The following CTDSPL2 variants were observed in gnomAD, a reference collection of about 807,000 sequenced individuals.
CTDSPL2 encodes CTD small phosphatase like 2, also known as CTD small phosphatase-like protein 2.
Under a neutral mutation model 60.0 loss-of-function variants are expected in CTDSPL2, and 5 were observed. The observed-to-expected ratio is 0.08, with a 90% CI of 0.04 to 0.18. The LOEUF (loss-of-function observed/expected upper bound fraction) is 0.18, where lower values mean the gene tolerates loss of function less well. Among genes scored for constraint, CTDSPL2 ranks in the 10% least tolerant of loss-of-function variants. CTDSPL2 has a pLI of 1.00. For synonymous variants in CTDSPL2, 186 were observed against 189.3 expected, an observed-to-expected ratio of 0.98 and a Z score of 0.14; for missense variants, 370 against 548.8, an observed-to-expected ratio of 0.67 and a Z score of 3.26.
chr15:44,514,924 A>G, intron 10 of CTDSPL2, 80 bp downstream of exon 10: 6 of 859,722 alleles, frequency 7.0e-6, no homozygotes, highest in Non-Finnish European at 1.1e-5. Context: ...TTTAATGGCC[A>G]TTTTCAGTTG....
intron 7 of CTDSPL2, among the ~76,000 whole-genome samples, chr15:44,499,340 G>A (rs987399241): frequency 1.3e-5 from 2 of 152,196 alleles, no homozygotes; most frequent in Admixed American, 6.5e-5. Flanking sequence ...AGGAGGTGGA[G>A]GTTGCGGTGA....
At chr15:44,476,796 TCCCAGTTG>T (rs2080925774) in intron 2 of CTDSPL2, among the ~76,000 whole-genome samples, 2 of 152,328 alleles carry the variant, frequency 1.3e-5, no homozygotes, top group African/African-American at 4.8e-5. Flanking sequence ...TCAAAACATA[TCCCAGTTG>T]TTATGTGATG....
intron 2 of CTDSPL2, among the ~76,000 whole-genome samples, chr15:44,468,216 G>A (rs1221049261): frequency 1.3e-5 from 2 of 152,018 alleles, no homozygotes; most frequent in African/African-American, 2.4e-5. Flanking sequence ...ATCTTTTACT[G>A]TAATTTAGTT....
chr15:44,479,302 T>A (rs2140768404), intron 2 of CTDSPL2, among the ~76,000 whole-genome samples: 2 of 152,090 alleles, frequency 1.3e-5, no homozygotes, highest in East Asian at 1.9e-4. Flanking sequence ...CCTTGTAGTA[T>A]AGTCTTTATT....
intron 1 of CTDSPL2, among the ~76,000 whole-genome samples, chr15:44,439,548 G>A (rs370160781): frequency 1.3e-4 from 19 of 148,298 alleles, no homozygotes; most frequent in African/African-American, 4.4e-4. Flanking sequence ...TTTTTTGGGG[G>A]GGGGGGAATA....
At chr15:44,509,443 G>A (rs2081528797) in intron 8 of CTDSPL2, among the ~76,000 whole-genome samples, 2 of 152,098 alleles carry the variant, frequency 1.3e-5, no homozygotes, top group African/African-American at 4.8e-5. Context: ...CTGACTTCAG[G>A]TGATCCGCCC....
chr15:44,471,614 G>T (rs934987970), intron 2 of CTDSPL2, among the ~76,000 whole-genome samples: 8 of 152,110 alleles, frequency 5.3e-5, no homozygotes, highest in African/African-American at 1.7e-4. Context: ...GTATAGTTAA[G>T]TATAGGCACA....
At chr15:44,446,311 C>T (rs967474519) in intron 1 of CTDSPL2, among the ~76,000 whole-genome samples, 3 of 152,040 alleles carry the variant, frequency 2.0e-5, no homozygotes, top group Non-Finnish European at 4.4e-5. Flanking sequence ...TCCAATGGAC[C>T]ATTCAGACAA....
At chr15:44,521,950 A>AC (rs1555441532) in intron 12 of CTDSPL2, among the ~76,000 whole-genome samples, 2 of 149,628 alleles carry the variant, frequency 1.3e-5, no homozygotes, top group East Asian at 1.9e-4. Flanking sequence ...AAAAAAAAAA[A>AC]AAAAAAAAAA....
intron 10 of CTDSPL2, among the ~76,000 whole-genome samples, chr15:44,515,982 T>A (rs2081647218): frequency 6.7e-6 from 1 of 149,604 alleles, no homozygotes; most frequent in Non-Finnish European, 1.5e-5. Flanking sequence ...CTTTCTTTCT[T>A]TTTCTTTTTT....
chr15:44,498,230 G>A (rs558904393), intron 7 of CTDSPL2, among the ~76,000 whole-genome samples: 1 of 152,216 alleles, frequency 6.6e-6, no homozygotes, highest in South Asian at 2.1e-4. Flanking sequence ...TGTCATATTG[G>A]AAAATATTTT....
intron 8 of CTDSPL2, among the ~76,000 whole-genome samples, chr15:44,510,017 C>T (rs1301448752): frequency 1.3e-5 from 2 of 150,906 alleles, no homozygotes; most frequent in African/African-American, 4.9e-5. Context: ...GACGGAGTCT[C>T]ACTCTGTTGC....
intron 1 of CTDSPL2, among the ~76,000 whole-genome samples, chr15:44,439,753 G>C (rs1324899514): frequency 6.6e-6 from 1 of 152,118 alleles, no homozygotes; most frequent in African/African-American, 2.4e-5. Flanking sequence ...ACGTGAGGCT[G>C]TATATGTCTG....
chr15:44,519,587 C>A, intron 11 of CTDSPL2: 1 of 229,820 alleles, frequency 4.4e-6, no homozygotes, highest in Non-Finnish European at 8.4e-6. Context: ...GTAATTTAAT[C>A]ATAAACATAT....
intron 2 of CTDSPL2, among the ~76,000 whole-genome samples, chr15:44,459,477 G>A (rs959189280): frequency 6.6e-6 from 1 of 152,092 alleles, no homozygotes; most frequent in African/African-American, 2.4e-5. Flanking sequence ...GTAGTGAGCC[G>A]AGATCGCACC....
chr15:44,495,339 T>A (rs935463407), intron 5 of CTDSPL2, among the ~76,000 whole-genome samples: 5 of 151,510 alleles, frequency 3.3e-5, no homozygotes, highest in Admixed American at 2.0e-4. Context: ...TTCTAGCACT[T>A]TGGGAGGCCG....
intron 1 of CTDSPL2, among the ~76,000 whole-genome samples, chr15:44,438,301 G>A (rs2080018401): frequency 6.6e-6 from 1 of 151,884 alleles, no homozygotes; most frequent in African/African-American, 2.4e-5. Flanking sequence ...AAATAGCAAT[G>A]AAAACAGACT....
intron 8 of CTDSPL2, among the ~76,000 whole-genome samples, chr15:44,504,145 C>G (rs1000088559): frequency 1.3e-5 from 2 of 152,080 alleles, no homozygotes; most frequent in Non-Finnish European, 2.9e-5. Flanking sequence ...GCCAGGAGTT[C>G]AGGACCACCC....
At chr15:44,474,124 A>G (rs1291702059) in intron 2 of CTDSPL2, among the ~76,000 whole-genome samples, 1 of 152,194 alleles carries the variant, frequency 6.6e-6, no homozygotes, top group African/African-American at 2.4e-5. Flanking sequence ...CACCACCCAC[A>G]GAATGTTAAG....
Sources: gnomAD v4.1 joint callset for allele counts (sites outside exome capture counted in the v4.1 genomes callset) on GRCh38, gnomAD v4.1.1 for gene constraint, MANE v1.5 for transcripts, NCBI Gene and HGNC (gene_info 2026-07-23, HGNC 2026-07-21) for gene names.